The following ANKRD6 variants were observed in gnomAD, a reference collection of about 807,000 sequenced individuals.
ANKRD6 encodes the protein ankyrin repeat domain 6.
In ANKRD6, 56 loss-of-function variants were observed where a neutral mutation model predicts 82.3. The observed-to-expected ratio is 0.68, with a 90% confidence interval of 0.55 to 0.85. ANKRD6 has a LOEUF of 0.85. Ranked by LOEUF, ANKRD6 falls within the 40% of genes least tolerant of loss-of-function variation. The pLI is 0.00. For missense variants in ANKRD6, 852 were observed against 907.6 expected, an observed-to-expected ratio of 0.94 and a Z score of 0.79; for synonymous variants, 347 against 352.1, an observed-to-expected ratio of 0.99 and a Z score of 0.16.
At chr6:89,600,815 C>A (rs1796974715) in intron 3 of ANKRD6, among the ~76,000 whole-genome samples, 1 of 152,006 alleles carries the variant, frequency 6.6e-6, no homozygotes, top group African/African-American at 2.4e-5. Flanking sequence ...GTGGGCAGAT[C>A]ACTTGAGGCC....
In ANKRD6 at chr6:89,621,937, C is replaced by A; in HGVS notation, c.808C>A (p.Arg270Ser). 1 of 1,613,876 alleles carries A rather than the reference C, an allele frequency of 6.2e-7. No homozygotes were observed. Among genetic ancestry groups the A allele is most frequent in the South Asian group, 1.1e-5 (1 of 91,058 alleles). Residue 270 changes from arginine (R) to serine (S), a missense_variant, in exon 10 of 16, where the codon CGT (arginine) becomes AGT (serine). Coordinates refer to ENST00000339746, the MANE Select transcript of ANKRD6 (RefSeq NM_001242809.2). ...TKAPQVLRFS[R>S]GRSLRKKRER... ...CCTCCTTCAGGTCTTGCGCTTCAGT[C>A]GTGGGCGAAGCCTGAGGAAAAAGAG... is the stretch of plus-strand genomic sequence containing the variant.
chr6:89,492,936 T>C (rs1482678525), intron 1 of ANKRD6, among the ~76,000 whole-genome samples: 1 of 152,258 alleles, frequency 6.6e-6, no homozygotes, highest in Non-Finnish European at 1.5e-5. Context: ...CACATTCTTA[T>C]ATTTTTGCCC....
chr6:89,542,037 G>A (rs191629523), intron 1 of ANKRD6, among the ~76,000 whole-genome samples: 117 of 151,642 alleles, frequency 7.7e-4, no homozygotes, highest in Non-Finnish European at 1.3e-3. Flanking sequence ...ATAAAAAATT[G>A]GGGCTTATAT....
chr6:89,605,288 A>G (rs1164711615), intron 4 of ANKRD6, among the ~76,000 whole-genome samples: 1 of 152,220 alleles, frequency 6.6e-6, no homozygotes, highest in Non-Finnish European at 1.5e-5. Context: ...AGGCTAAGGC[A>G]GGAGAATCGC....
At chr6:89,445,699 C>T (rs916035953) in intron 1 of ANKRD6, among the ~76,000 whole-genome samples, 4 of 152,136 alleles carry the variant, frequency 2.6e-5, no homozygotes, top group Admixed American at 1.3e-4. Flanking sequence ...CCGCCTCGGC[C>T]TCCCAAAGTG....
intron 1 of ANKRD6, among the ~76,000 whole-genome samples, chr6:89,546,608 C>T (rs890335495): frequency 3.9e-5 from 6 of 152,046 alleles, no homozygotes; most frequent in Admixed American, 2.6e-4. Context: ...GGGCCATAGC[C>T]GTGCGCCACC....
intron 1 of ANKRD6, among the ~76,000 whole-genome samples, chr6:89,531,176 C>T (rs78402071): frequency 1.1e-3 from 173 of 152,312 alleles, no homozygotes; most frequent in African/African-American, 3.7e-3. Flanking sequence ...GCGGAAGGTG[C>T]GCTCCTGTCT....
rs562336572 is a variant in ANKRD6 at position 89,553,925 on chromosome 6, CA to C, written c.-143-12906del. On this transcript the variant is annotated intron_variant, in intron 1 of 15. Transcript: ENST00000339746. Reference sequence around the variant, plus strand: ...TTGCCCCTGGAACCTGACCATCCTTCAAACAGCAGCAAGGGACCCTTAGGTT... The same window carrying C: ...TTGCCCCTGGAACCTGACCATCCTTCAACAGCAGCAAGGGACCCTTAGGTT... 1.5e-3 allele frequency among the ~76,000 whole-genome samples: 230 copies of C among 152,188 alleles called. 2 individuals are homozygous for C. The highest frequency in any genetic ancestry group is 1.7e-3 in the Non-Finnish European group (114 of 68,034).
chr6:89,567,519 G>T (rs1004778709), intron 2 of ANKRD6, among the ~76,000 whole-genome samples: 1 of 152,168 alleles, frequency 6.6e-6, no homozygotes, highest in Non-Finnish European at 1.5e-5. Context: ...CCAGATGACT[G>T]CTACAACCTC....
intron 2 of ANKRD6, among the ~76,000 whole-genome samples, chr6:89,591,218 C>T (rs1384637586): frequency 2.0e-5 from 3 of 152,198 alleles, no homozygotes; most frequent in South Asian, 2.1e-4. Context: ...ATCCAGCCTC[C>T]TCAGCCTCCT....
At chr6:89,547,562 G>A (rs1010469945) in intron 1 of ANKRD6, among the ~76,000 whole-genome samples, 1 of 152,176 alleles carries the variant, frequency 6.6e-6, no homozygotes, top group Non-Finnish European at 1.5e-5. Context: ...GCTTGGCAGC[G>A]CACCAGCGGG....
intron 9 of ANKRD6, among the ~76,000 whole-genome samples, chr6:89,620,582 C>T (rs1007117868): frequency 4.6e-5 from 7 of 152,072 alleles, no homozygotes; most frequent in Non-Finnish European, 8.8e-5. Flanking sequence ...TTAACTATTA[C>T]GGACCAGAGA....
At chr6:89,451,416 T>C (rs1431585568) in intron 1 of ANKRD6, among the ~76,000 whole-genome samples, 1 of 152,198 alleles carries the variant, frequency 6.6e-6, no homozygotes, top group East Asian at 1.9e-4. Flanking sequence ...GTTTGCAAAA[T>C]AAACAGCCAT....
chr6:89,595,879 A>C (rs943583023), intron 2 of ANKRD6, 37 bp from the exon 3 acceptor site: 1 of 1,527,728 alleles, frequency 6.5e-7, no homozygotes, highest in African/African-American at 1.4e-5. Flanking sequence ...AGCATTGAGG[A>C]CTTGTTCCGA....
At chr6:89,523,230 C>G (rs1782083726) in intron 1 of ANKRD6, among the ~76,000 whole-genome samples, 2 of 152,152 alleles carry the variant, frequency 1.3e-5, no homozygotes, top group African/African-American at 4.8e-5. Context: ...AGCATCTTCC[C>G]TTTTTTGTTC....
chr6:89,523,972 A>G (rs1163711816), intron 1 of ANKRD6, among the ~76,000 whole-genome samples: 1 of 152,114 alleles, frequency 6.6e-6, no homozygotes, highest in Non-Finnish European at 1.5e-5. Flanking sequence ...TTGAACTCAT[A>G]TGCAATTGGC....
chr6:89,464,744 G>A (rs778885737), intron 1 of ANKRD6, among the ~76,000 whole-genome samples: 7 of 152,162 alleles, frequency 4.6e-5, no homozygotes, highest in Admixed American at 2.0e-4. Flanking sequence ...ACATTTTTAC[G>A]TCTGCATAGA....
chr6:89,464,221 A>G (rs576998739), intron 1 of ANKRD6, among the ~76,000 whole-genome samples: 1 of 152,232 alleles, frequency 6.6e-6, no homozygotes, highest in East Asian at 1.9e-4. Context: ...TAGTAGTCTA[A>G]ATTCCTGCCT....
At chr6:89,558,302 C>G (rs768765394) in intron 1 of ANKRD6, among the ~76,000 whole-genome samples, 3 of 152,116 alleles carry the variant, frequency 2.0e-5, no homozygotes, top group Non-Finnish European at 2.9e-5. Context: ...ATTGCTGAAA[C>G]TTGGAAGCAA....
Sources: allele counts gnomAD v4.1 joint callset (sites outside exome capture counted in the v4.1 genomes callset), GRCh38; gene constraint gnomAD v4.1.1; transcripts MANE v1.5; gene names NCBI Gene and HGNC (gene_info 2026-07-23, HGNC 2026-07-21).